RNF13: variants seen among roughly 807,000 people sequenced by gnomAD.
The protein encoded by RNF13 is ring finger protein 13.
A neutral mutation model predicts 37.7 loss-of-function variants in RNF13; 19 were observed. That is an observed-to-expected ratio of 0.50 (90% CI 0.35 to 0.74). The LOEUF is 0.74. Ranked by LOEUF, RNF13 falls within the 30% of genes least tolerant of loss-of-function variation. RNF13 has a pLI of 0.01. For missense variants in RNF13, 375 were observed against 453.0 expected (o/e 0.83, Z 1.56); for synonymous variants, 144 against 157.8 (o/e 0.91, Z 0.65).
chr3:149,916,763 T>G (rs548728468), intron 7 of RNF13, among the ~76,000 whole-genome samples: 2 of 152,106 alleles, frequency 1.3e-5, no homozygotes, highest in East Asian at 3.9e-4. Context: ...ATAAAAAATA[T>G]AGACTAAAAA....
intron 1 of RNF13, among the ~76,000 whole-genome samples, chr3:149,829,094 T>C (rs1720781484): frequency 6.6e-6 from 1 of 152,146 alleles, no homozygotes; most frequent in Non-Finnish European, 1.5e-5. Context: ...AAGAATTTGA[T>C]ATTTTGGAAA....
intron 4 of RNF13, among the ~76,000 whole-genome samples, chr3:149,892,623 G>C (rs1576833272): frequency 1.3e-5 from 2 of 152,192 alleles, no homozygotes; most frequent in East Asian, 3.8e-4. Context: ...CCTCCTGTCA[G>C]ATCAGTGGTG....
intron 3 of RNF13, among the ~76,000 whole-genome samples, chr3:149,867,100 T>G (rs543791796): frequency 5.3e-5 from 8 of 152,234 alleles, no homozygotes; most frequent in African/African-American, 1.9e-4. Flanking sequence ...AGTGGTATGC[T>G]AAAGTTCCCT....
intron 8 of RNF13, among the ~76,000 whole-genome samples, chr3:149,928,885 C>CTTTCATCTCCT (rs1553769218): frequency 3.3e-5 from 5 of 152,042 alleles, no homozygotes; most frequent in Non-Finnish European, 7.4e-5. Flanking sequence ...GTCTATAAGT[C>CTTTCATCTCCT]TTTCATCTCC....
chr3:149,871,432 G>A (rs369221496), intron 3 of RNF13, among the ~76,000 whole-genome samples: 274 of 148,870 alleles, frequency 1.8e-3, no homozygotes, highest in Non-Finnish European at 2.9e-3. Flanking sequence ...TCTCGTGGAC[G>A]TCTTTTCAGT....
intron 1 of RNF13, among the ~76,000 whole-genome samples, chr3:149,843,145 C>T (rs899506593): frequency 1.3e-5 from 2 of 152,118 alleles, no homozygotes; most frequent in South Asian, 2.1e-4. Flanking sequence ...AACAATACAG[C>T]ATAACCACTA....
intron 8 of RNF13, among the ~76,000 whole-genome samples, chr3:149,922,370 GAATA>G (rs772184174): frequency 6.5e-4 from 99 of 152,276 alleles, no homozygotes; most frequent in Non-Finnish European, 3.1e-4. Context: ...AAGAATGAAT[GAATA>G]AATAAATGAA....
intron 1 of RNF13, among the ~76,000 whole-genome samples, chr3:149,838,142 T>G (rs1256850872): frequency 2.0e-5 from 3 of 152,230 alleles, no homozygotes; most frequent in Non-Finnish European, 4.4e-5. Flanking sequence ...AGAGGTAGGT[T>G]CCTATGGTCT....
chr3:149,950,504 T>C (rs1721218801), intron 8 of RNF13, among the ~76,000 whole-genome samples: 1 of 152,186 alleles, frequency 6.6e-6, no homozygotes, highest in African/African-American at 2.4e-5. Flanking sequence ...AGCGAAGCTC[T>C]CACTCTGGTA....
chr3:149,922,297 C>A (rs2108539441), intron 8 of RNF13, among the ~76,000 whole-genome samples: 1 of 152,146 alleles, frequency 6.6e-6, no homozygotes, highest in East Asian at 1.9e-4. Flanking sequence ...TAAGACTATA[C>A]TCTTATACTA....
At position 149,818,139 on chromosome 3, in the gene RNF13, C is replaced by G. The variant is rs573160399; in HGVS notation, c.-17+4786C>G. On this transcript the variant is annotated intron_variant, in intron 1 of 9. Coordinates refer to ENST00000392894, the MANE Select transcript of RNF13 (RefSeq NM_183381.3). ...TGTCATACCATTTTTGGAAACATTA[C>G]TTGGATCCTACTACTTAGGGGTTTT... Among the ~76,000 whole-genome samples, 16 of 152,288 alleles carry G rather than the reference C, an allele frequency of 1.1e-4. No homozygotes were observed. In the South Asian group the frequency reaches 3.3e-3, roughly 32 times the overall value.
intron 3 of RNF13, among the ~76,000 whole-genome samples, chr3:149,866,861 T>TTA (rs973924747): frequency 6.6e-6 from 1 of 152,216 alleles, no homozygotes; most frequent in Admixed American, 6.5e-5. Flanking sequence ...GTTCTTCTTG[T>TTA]TATTGTAGTC....
At chr3:149,889,970 C>T (rs970460718) in intron 4 of RNF13, among the ~76,000 whole-genome samples, 16 of 152,192 alleles carry the variant, frequency 1.1e-4, no homozygotes, top group South Asian at 2.1e-4. Flanking sequence ...CTATCGCGCC[C>T]GGCCTGAACA....
At chr3:149,897,752 A>C (rs1023111705) in intron 5 of RNF13, among the ~76,000 whole-genome samples, 4 of 152,232 alleles carry the variant, frequency 2.6e-5, no homozygotes, top group African/African-American at 9.6e-5. Context: ...TTATCAGAAG[A>C]GGCTTGTATC....
intron 8 of RNF13, among the ~76,000 whole-genome samples, chr3:149,944,431 C>G (rs1720573043): frequency 6.6e-6 from 1 of 152,160 alleles, no homozygotes. Context: ...TACAGTCCCA[C>G]CAACAGAGTA....
At chr3:149,832,967 T>G (rs1576730300) in intron 1 of RNF13, among the ~76,000 whole-genome samples, 4 of 151,986 alleles carry the variant, frequency 2.6e-5, no homozygotes. Flanking sequence ...CAACATCAAT[T>G]TTTCTCAAAC....
rs766685148 is a variant in RNF13 at position 149,960,749 on chromosome 3, G to A, written c.791G>A (p.Cys264Tyr). ...RILPCSHAYH[C>Y]KCVDPWLTKT... is the part of the protein sequence containing the mutation. Reference sequence around the variant, plus strand: ...TATTTTGCTTCAACAGCTTATCACTGCAAGTGTGTAGACCCTTGGCTAACT... The same window carrying A: ...TATTTTGCTTCAACAGCTTATCACTACAAGTGTGTAGACCCTTGGCTAACT... Residue 264 changes from cysteine (C) to tyrosine (Y), a missense_variant, in exon 10 of 10, where the codon TGC (cysteine) becomes TAC (tyrosine). Transcript: ENST00000392894. 8.7e-6 allele frequency: 14 copies of A among 1,606,976 alleles called. No homozygotes were observed. The highest frequency in any genetic ancestry group is 1.7e-5 in the Admixed American group (1 of 58,300).
chr3:149,900,196 G>C (rs997562535), intron 5 of RNF13, among the ~76,000 whole-genome samples: 8 of 152,076 alleles, frequency 5.3e-5, no homozygotes, highest in Non-Finnish European at 8.8e-5. Flanking sequence ...ATTCAAAGAA[G>C]CTAGGTTACT....
At chr3:149,852,444 TTAAA>T (rs1487433297) in intron 2 of RNF13, 68 bp from the exon 3 acceptor site, 9 of 600,838 alleles carry the variant, frequency 1.5e-5, no homozygotes, top group Non-Finnish European at 2.5e-5. Flanking sequence ...TTATACATAA[TTAAA>T]TAAGTCTTTG....
Sources: gnomAD v4.1 joint callset for allele counts (sites outside exome capture counted in the v4.1 genomes callset) on GRCh38, gnomAD v4.1.1 for gene constraint, MANE v1.5 for transcripts, NCBI Gene and HGNC (gene_info 2026-07-23, HGNC 2026-07-21) for gene names.